The following GMEB2 variants were observed in gnomAD, a reference collection of about 807,000 sequenced individuals.
The protein encoded by GMEB2 is glucocorticoid modulatory element binding protein 2.
GMEB2 carries 7 observed loss-of-function variants against 45.7 expected under a neutral mutation model. The ratio of observed to expected loss-of-function variants is 0.15; its 90% confidence interval spans 0.09 to 0.29. The LOEUF is 0.29. GMEB2 is among the 10% of genes least tolerant of loss of function. The pLI is 1.00. For synonymous variants in GMEB2, 322 were observed against 323.6 expected (o/e 1.00, Z 0.05); for missense variants, 582 against 739.2 (o/e 0.79, Z 2.47).
intron 2 of GMEB2, among the ~76,000 whole-genome samples, chr20:63,614,158 T>C (rs559680390): frequency 9.2e-5 from 14 of 152,290 alleles, no homozygotes; most frequent in African/African-American, 2.9e-4. Context: ...AGAATAGTTA[T>C]ACTAGATATA....
chr20:63,611,444 T>C (rs1292509903), intron 2 of GMEB2, among the ~76,000 whole-genome samples: 1 of 152,104 alleles, frequency 6.6e-6, no homozygotes, highest in African/African-American at 2.4e-5. Context: ...AAACCCTGTC[T>C]CTACGAAAAA....
rs768505227 is a variant in GMEB2, at chr20:63,604,798, C to T, written c.174G>A (p.Ala58=). ...CTGTGAAGGCCGCGGCAGCTGCTGCCGCTGCATTTTCTGTCTCCATGTTAT... is the reference window on the plus strand; with the variant it reads ...CTGTGAAGGCCGCGGCAGCTGCTGCTGCTGCATTTTCTGTCTCCATGTTAT... ...TEDNMETENA[A]AAAAAAFTAS... The change falls in exon 3 of 10, where the codon GCG becomes GCA. Residue 58 remains alanine, a synonymous_variant. Transcript: ENST00000370077. 1.4e-5 allele frequency: 22 copies of T among 1,611,736 alleles called. No individual in the cohort carries two copies. The highest frequency in any genetic ancestry group is 1.6e-4 in the Middle Eastern group (1 of 6,078).
At position 63,592,473 on chromosome 20, in the gene GMEB2, C is replaced by T; in HGVS notation, c.829+60G>A. The T allele has an allele frequency of 2.9e-6, 4 of 1,384,534 alleles. No homozygotes were observed. Among genetic ancestry groups the T allele is most frequent in the Non-Finnish European group, 4.0e-6 (4 of 992,592 alleles). The allele number at this position is 1,384,534 out of a possible 1,614,324, so 85.8% of individuals were successfully genotyped here. On this transcript the variant is annotated intron_variant, in intron 8 of 9. Transcript: ENST00000370077. The surrounding 1 kb of genome is among the most constrained non-coding windows in gnomAD (Gnocchi z 8.2). ...CTAGGGGCAGGAGGGCCAGTGGCCT[C>T]ACCTCCTGCAGAGACTCCTGGGCTG...
chr20:63,607,228 C>A (rs1255885140), intron 2 of GMEB2, among the ~76,000 whole-genome samples: 1 of 147,982 alleles, frequency 6.8e-6, no homozygotes, highest in African/African-American at 2.5e-5. Context: ...AAACATGCCC[C>A]TCTGACCCAC....
At position 63,619,261 on chromosome 20, in the gene GMEB2, G is replaced by C. The variant is rs113171796; in HGVS notation, c.131+6C>G. 1.4e-5 allele frequency: 23 copies of C among 1,607,888 alleles called. No homozygotes were observed. The African/African-American group carries it at 2.4e-4, about 17-fold the overall frequency. On this transcript the variant is annotated splice_donor_region_variant and intron_variant, in intron 2 of 9. Transcript: ENST00000370077. The surrounding 1 kb of genome is among the most constrained non-coding windows in gnomAD (Gnocchi z 4.6). ...CAGCCCCAATGGCACCGAGGCCCGA[G>C]CTTACCCGTGAGGGGCCAAGTTGGT...
chr20:63,614,788 TC>T (rs1379845048), intron 2 of GMEB2, among the ~76,000 whole-genome samples: 2 of 151,722 alleles, frequency 1.3e-5, no homozygotes, highest in African/African-American at 2.4e-5. Context: ...TCTCTCTCTC[TC>T]CTCTCTCTCT....
At chr20:63,612,138 G>A (rs1273427644) in intron 2 of GMEB2, among the ~76,000 whole-genome samples, 1 of 152,150 alleles carries the variant, frequency 6.6e-6, no homozygotes, top group African/African-American at 2.4e-5. Context: ...CTGACCCACA[G>A]AAATCTAAGA....
intron 9 of GMEB2, among the ~76,000 whole-genome samples, chr20:63,591,331 G>A (rs1601002736): frequency 6.6e-6 from 1 of 151,486 alleles, no homozygotes; most frequent in East Asian, 1.9e-4. Context: ...CAGTGAACAC[G>A]CAGTGAACAC....
At chr20:63,623,085 C>G (rs2089649884) in intron 1 of GMEB2, among the ~76,000 whole-genome samples, 1 of 152,080 alleles carries the variant, frequency 6.6e-6, no homozygotes, top group South Asian at 2.1e-4. Flanking sequence ...GGACTAAGTG[C>G]GAGGGACAAG....
At chr20:63,606,009 G>A (rs1348361726) in intron 2 of GMEB2, among the ~76,000 whole-genome samples, 1 of 151,668 alleles carries the variant, frequency 6.6e-6, no homozygotes, top group Non-Finnish European at 1.5e-5. Context: ...GAGGCAGCGA[G>A]TGCCCCAGCA....
chr20:63,615,051 C>T (rs189296942), intron 2 of GMEB2, among the ~76,000 whole-genome samples: 18 of 152,216 alleles, frequency 1.2e-4, no homozygotes, highest in South Asian at 2.1e-4. Context: ...TCTCCGCATA[C>T]GAGGAGAAAA....
intron 5 of GMEB2, among the ~76,000 whole-genome samples, chr20:63,597,230 C>T (rs1292036162): frequency 7.0e-6 from 1 of 142,758 alleles, no homozygotes; most frequent in African/African-American, 2.6e-5. Flanking sequence ...GGCACAATCA[C>T]AGCTCACTGC....
intron 1 of GMEB2, among the ~76,000 whole-genome samples, chr20:63,624,653 C>T (rs1389484204): frequency 1.4e-4 from 22 of 152,292 alleles, no homozygotes; most frequent in Non-Finnish European, 4.4e-5. Context: ...CAGAGGATTA[C>T]GCAATGTACA....
chr20:63,592,236 A>C lies in GMEB2; in HGVS notation c.830-92T>G. 8.2e-7 allele frequency: 1 copy of C among 1,225,086 alleles called. No individual in the cohort carries two copies. Among genetic ancestry groups the C allele is most frequent in the Non-Finnish European group, 1.2e-6 (1 of 867,786 alleles). 75.9% of individuals were successfully genotyped at this position (1,225,086 alleles called of 1,614,324 possible). On this transcript the variant is annotated intron_variant, in intron 8 of 9. Coordinates refer to ENST00000370077, the MANE Select transcript of GMEB2 (RefSeq NM_012384.5). The surrounding 1 kb of genome is among the most constrained non-coding windows in gnomAD (Gnocchi z 8.2). ...GTGAGAGCCCGGGACCTTCCTAGAGAGTCACGTGGACGCTCGGTGAGAGCC... is the reference window on the plus strand; with the variant it reads ...GTGAGAGCCCGGGACCTTCCTAGAGCGTCACGTGGACGCTCGGTGAGAGCC...
rs765009548 is a variant in GMEB2 at position 63,590,178 on chromosome 20, T to C, written c.1504A>G (p.Thr502Ala). ...QASPGSSTIV[T>A]VPAGAAPGPE... Reference sequence around the variant, plus strand: ...CCGGGGGCAGCCCCTGCGGGCACTGTCACAATTGTGCTGGAGCCAGGCGAG... The same window carrying C: ...CCGGGGGCAGCCCCTGCGGGCACTGCCACAATTGTGCTGGAGCCAGGCGAG... The change falls in exon 10 of 10, where the codon ACA (threonine) becomes GCA (alanine). Residue 502 changes from threonine to alanine, a missense_variant. Physicochemically the swap from Thr to Ala is moderately conservative, Grantham distance 58. Coordinates refer to ENST00000370077, the MANE Select transcript of GMEB2 (RefSeq NM_012384.5). 6.3e-7 allele frequency: 1 copy of C among 1,599,018 alleles called. No individual in the cohort carries two copies. Among genetic ancestry groups the C allele is most frequent in the Non-Finnish European group, 8.5e-7 (1 of 1,171,132 alleles).
intron 1 of GMEB2, among the ~76,000 whole-genome samples, chr20:63,623,508 G>C (rs1178724791): frequency 6.6e-6 from 1 of 152,182 alleles, no homozygotes; most frequent in African/African-American, 2.4e-5. Flanking sequence ...TGAATAAAAA[G>C]CCACTTTAGG....
chr20:63,595,673 G>C lies in GMEB2; in HGVS notation c.556C>G (p.Arg186Gly). The C allele has an allele frequency of 6.2e-7, 1 of 1,613,918 alleles. No individual in the cohort carries two copies. Among genetic ancestry groups the C allele is most frequent in the Non-Finnish European group, 8.5e-7 (1 of 1,179,856 alleles). ...RSTKIDLSGA[R>G]VSLSSPTSAE... ...GACGTGGGGCTGCTCAGGGACACAC[G>C]GGCTCCTGAGAGGTCAATCTTTGTG... Residue 186 changes from arginine (R) to glycine (G), a missense_variant, in exon 6 of 10, where the codon CGT becomes GGT. Coordinates refer to ENST00000370077, the MANE Select transcript of GMEB2 (RefSeq NM_012384.5).
At chr20:63,607,465 G>C (rs28526338) in intron 2 of GMEB2, among the ~76,000 whole-genome samples, 38 of 7,172 alleles carry the variant, frequency 5.3e-3, no homozygotes, top group African/African-American at 7.4e-3. Context: ...ACATGCCCCT[G>C]TGACCTCACC....
Position 63,590,453 on chromosome 20 carries a change from A to G in GMEB2, c.1229T>C (p.Leu410Pro), listed in dbSNP as rs1395044451. ...GGGCGCCTGAAGGGAACCCTTGCCC[A>G]GGACGGTGGACGGCAGGGTGGACAC... ...KVVSTLPSTV[L>P]GKGSLQAPPA... Residue 410 changes from leucine to proline, a missense_variant, in exon 10 of 10, where the codon CTG becomes CCG. Physicochemically the swap from Leu to Pro is moderately conservative, Grantham distance 98. Transcript: ENST00000370077. The G allele has an allele frequency of 6.5e-7, 1 of 1,526,762 alleles. No individual in the cohort carries two copies. The allele number at this position is 1,526,762 out of a possible 1,614,324, so 94.6% of individuals were successfully genotyped here.
Sources: gnomAD v4.1 joint callset for allele counts (sites outside exome capture counted in the v4.1 genomes callset) on GRCh38, gnomAD v4.1.1 for gene constraint, Gnocchi (gnomAD v3.1) non-coding constraint, MANE v1.5 for transcripts, NCBI Gene and HGNC (gene_info 2026-07-23, HGNC 2026-07-21) for gene names.